Variants in DISC1 observed in about 807,000 individuals in gnomAD.
The protein encoded by DISC1 is DISC1 scaffold protein.
DISC1 carries 57 observed loss-of-function variants against 84.5 expected under a neutral mutation model. The observed-to-expected ratio is 0.67, with a 90% CI of 0.55 to 0.84. The LOEUF is 0.84. Ranked by LOEUF, DISC1 falls within the 40% of genes least tolerant of loss-of-function variation. The pLI is 0.00. For synonymous variants in DISC1, 411 were observed against 415.2 expected (o/e 0.99, Z 0.12); for missense variants, 1,000 against 1,057.8 (o/e 0.95, Z 0.76).
At chr1:231,770,496 T>C (rs1383939173) in intron 5 of DISC1, among the ~76,000 whole-genome samples, 2 of 152,302 alleles carry the variant, frequency 1.3e-5, no homozygotes, top group East Asian at 3.9e-4. Flanking sequence ...AGACCTCAGG[T>C]GCATGAGGCT....
chr1:231,813,550 C>T (rs952668974), intron 8 of DISC1, among the ~76,000 whole-genome samples: 5 of 152,108 alleles, frequency 3.3e-5, no homozygotes, highest in East Asian at 1.9e-4. Flanking sequence ...TGGAAATTAC[C>T]GATCCGGGAA....
chr1:231,952,845 G>C (rs1447820483), intron 9 of DISC1, among the ~76,000 whole-genome samples: 5 of 151,954 alleles, frequency 3.3e-5, no homozygotes, highest in African/African-American at 1.2e-4. Context: ...GCAATGGTCA[G>C]TACTCTTTGT....
At chr1:231,931,835 A>G (rs547607369) in intron 9 of DISC1, among the ~76,000 whole-genome samples, 6 of 151,840 alleles carry the variant, frequency 4.0e-5, no homozygotes, top group African/African-American at 1.4e-4. Context: ...TTTTTTTTTT[A>G]TAGACAAGGT....
intron 10 of DISC1, chr1:231,959,346 T>A (rs1014331005): frequency 3.0e-6 from 3 of 985,956 alleles, no homozygotes; most frequent in African/African-American, 3.5e-5. Flanking sequence ...TTGCTTTTTT[T>A]AAAACCCAAT....
At chr1:231,801,344 A>T (rs187504610) in intron 8 of DISC1, among the ~76,000 whole-genome samples, 20 of 152,314 alleles carry the variant, frequency 1.3e-4, no homozygotes, top group African/African-American at 4.1e-4. Flanking sequence ...CTTAATCAAT[A>T]TATCTTTCCC....
intron 3 of DISC1, among the ~76,000 whole-genome samples, chr1:231,708,895 CT>C: frequency 6.6e-6 from 1 of 152,312 alleles, no homozygotes; most frequent in Admixed American, 6.5e-5. Context: ...AAAAATTAGT[CT>C]ATTTTTATCT....
intron 9 of DISC1, among the ~76,000 whole-genome samples, chr1:231,913,647 C>T (rs1383641580): frequency 6.6e-6 from 1 of 152,202 alleles, no homozygotes; most frequent in Non-Finnish European, 1.5e-5. Flanking sequence ...GGCCTGCAGC[C>T]TGGCCAGCAG....
At chr1:231,922,128 C>T (rs561956811) in intron 9 of DISC1, among the ~76,000 whole-genome samples, 1 of 152,240 alleles carries the variant, frequency 6.6e-6, no homozygotes, top group African/African-American at 2.4e-5. Flanking sequence ...TTGGGCAAGT[C>T]ACATACCTTC....
At chr1:231,807,741 T>G (rs2125686998) in intron 8 of DISC1, among the ~76,000 whole-genome samples, 1 of 152,342 alleles carries the variant, frequency 6.6e-6, no homozygotes, top group South Asian at 2.1e-4. Context: ...TCACTGTGTG[T>G]TGGCAGGCTT....
intron 3 of DISC1, among the ~76,000 whole-genome samples, chr1:231,744,301 T>A (rs2073713290): frequency 6.6e-6 from 1 of 152,158 alleles, no homozygotes; most frequent in Non-Finnish European, 1.5e-5. Context: ...GTGAAGAGGA[T>A]CAAGGTCTTA....
chr1:232,008,597 G>A (rs1667752503), intron 10 of DISC1, among the ~76,000 whole-genome samples, 188 bp from the exon 11 acceptor site: 1 of 152,220 alleles, frequency 6.6e-6, no homozygotes, highest in African/African-American at 2.4e-5. Context: ...ACATTTCATG[G>A]TGACTTGATG....
intron 1 of DISC1, among the ~76,000 whole-genome samples, chr1:231,688,917 C>T (rs867892124): frequency 3.3e-5 from 5 of 152,190 alleles, no homozygotes; most frequent in Admixed American, 2.0e-4. Flanking sequence ...GACCTGAAGG[C>T]ACTTCAGAAG....
chr1:231,944,639 C>T (rs948958975), intron 9 of DISC1, among the ~76,000 whole-genome samples: 6 of 152,174 alleles, frequency 3.9e-5, no homozygotes, highest in African/African-American at 1.4e-4. Context: ...CCACCACAGT[C>T]CCTTTCCACT....
chr1:231,975,308 C>CA (rs1375038559), intron 10 of DISC1, among the ~76,000 whole-genome samples: 2 of 151,968 alleles, frequency 1.3e-5, no homozygotes, highest in Non-Finnish European at 2.9e-5. Flanking sequence ...ATCTAAAAGA[C>CA]AAAAAATAAC....
intron 9 of DISC1, among the ~76,000 whole-genome samples, chr1:231,951,057 G>T (rs1166676322): frequency 1.3e-5 from 2 of 152,190 alleles, no homozygotes; most frequent in Non-Finnish European, 2.9e-5. Flanking sequence ...CAGAATAATT[G>T]ATTTTACTTT....
intron 9 of DISC1, among the ~76,000 whole-genome samples, chr1:231,921,397 T>C (rs2089999438): frequency 1.3e-5 from 2 of 152,322 alleles, no homozygotes; most frequent in Non-Finnish European, 2.9e-5. Context: ...TGTTCTCAGT[T>C]TGGGAAGGGT....
chr1:231,723,252 A>G (rs1472386109), intron 3 of DISC1: 2 of 956,824 alleles, frequency 2.1e-6, no homozygotes, highest in African/African-American at 3.5e-5. Context: ...TTATTGAAAA[A>G]AAAGTCTGCC....
chr1:231,635,588 T>C (rs2059126070), intron 1 of DISC1, among the ~76,000 whole-genome samples: 1 of 152,236 alleles, frequency 6.6e-6, no homozygotes, highest in Non-Finnish European at 1.5e-5. Context: ...CTCATCTATG[T>C]AGTACACTTA....
chr1:232,015,808 C>T lies in DISC1; in HGVS notation c.2307+6759C>T, dbSNP rs1668442790. On this transcript the variant is annotated intron_variant, in intron 11 of 12. Coordinates refer to ENST00000439617, the MANE Select transcript of DISC1 (RefSeq NM_018662.3). ...TTTAATGCCTTCCATTCTGAATATGCTGGTGTTTCTGCTTTGCCAGCCATT... is the reference window on the plus strand; with the variant it reads ...TTTAATGCCTTCCATTCTGAATATGTTGGTGTTTCTGCTTTGCCAGCCATT... Among the ~76,000 whole-genome samples, 5 of 152,288 alleles carry T rather than the reference C, an allele frequency of 3.3e-5. No individual in the cohort carries two copies. In the South Asian group the frequency reaches 1.0e-3, roughly 32 times the overall value.
Sources: gnomAD v4.1 joint callset for allele counts (sites outside exome capture counted in the v4.1 genomes callset) on GRCh38, gnomAD v4.1.1 for gene constraint, MANE v1.5 for transcripts, NCBI Gene and HGNC (gene_info 2026-07-23, HGNC 2026-07-21) for gene names.